Variants in SNAP25 observed in about 807,000 individuals in gnomAD.
SNAP25 encodes synaptosomal-associated protein 25.
In SNAP25, 3 loss-of-function variants were observed where a neutral mutation model predicts 28.7. That is an observed-to-expected ratio of 0.10 (90% CI 0.05 to 0.27). The LOEUF (loss-of-function observed/expected upper bound fraction) is 0.27, where lower values mean the gene tolerates loss of function less well. Among genes scored for constraint, SNAP25 ranks in the 10% least tolerant of loss-of-function variants. The pLI, the probability that SNAP25 is intolerant of heterozygous loss-of-function variation, is 1.00. For synonymous variants in SNAP25, 61 were observed against 88.1 expected (o/e 0.69, Z 1.72); for missense variants, 117 against 278.7 (o/e 0.42, Z 4.13).
chr20:10,240,393 A>G (rs1397154283), intron 1 of SNAP25, among the ~76,000 whole-genome samples: 1 of 152,196 alleles, frequency 6.6e-6, no homozygotes, highest in African/African-American at 2.4e-5. Context: ...CCTTAATTAT[A>G]CACGCAGGAT....
chr20:10,283,024 A>G (rs1269245542), intron 3 of SNAP25, among the ~76,000 whole-genome samples: 1 of 152,192 alleles, frequency 6.6e-6, no homozygotes, highest in Non-Finnish European at 1.5e-5. Flanking sequence ...CCCTAGCCCT[A>G]CTGAATCAGA....
rs959457786 is a variant in SNAP25, at chr20:10,293,909, C to T, written c.281+631C>T. Among the ~76,000 whole-genome samples the T allele has an allele frequency of 1.1e-4, 16 of 152,182 alleles. No homozygotes were observed. Among genetic ancestry groups the T allele is most frequent in the African/African-American group, 3.6e-4 (15 of 41,448 alleles). On this transcript the variant is annotated intron_variant, in intron 5 of 7. Coordinates refer to ENST00000254976, the MANE Select transcript of SNAP25 (RefSeq NM_130811.4). This position sits in a 1 kb window ranked among gnomAD's most constrained non-coding sequence, Gnocchi z 5.6. Reference sequence around the variant, plus strand: ...AATTTTTCTCCTTGGAAGATCTACCCGTACACTGGCTGAAATGTTGAAATG... The same window carrying T: ...AATTTTTCTCCTTGGAAGATCTACCTGTACACTGGCTGAAATGTTGAAATG...
intron 1 of SNAP25, among the ~76,000 whole-genome samples, chr20:10,267,652 G>A (rs192165537): frequency 2.6e-5 from 4 of 152,052 alleles, no homozygotes; most frequent in African/African-American, 9.7e-5. Flanking sequence ...TCCCAGGTAC[G>A]AGGTTTCTCC....
chr20:10,294,940 G>A (rs1053059088), intron 5 of SNAP25, among the ~76,000 whole-genome samples: 1 of 152,130 alleles, frequency 6.6e-6, no homozygotes, highest in Non-Finnish European at 1.5e-5. Flanking sequence ...TTCATCAACT[G>A]TGTGTGAAGA....
chr20:10,250,843 T>C (rs2063213774), intron 1 of SNAP25, among the ~76,000 whole-genome samples: 1 of 152,220 alleles, frequency 6.6e-6, no homozygotes, highest in African/African-American at 2.4e-5. Context: ...CGCAAATACT[T>C]ACTATTGTGT....
intron 2 of SNAP25, among the ~76,000 whole-genome samples, chr20:10,277,098 C>T (rs1350669530): frequency 6.6e-6 from 1 of 152,218 alleles, no homozygotes; most frequent in Non-Finnish European, 1.5e-5. Flanking sequence ...TTGCAGAGCT[C>T]AGCCTTTCCG....
At chr20:10,271,805 C>G (rs1163030890) in intron 1 of SNAP25, among the ~76,000 whole-genome samples, 1 of 152,154 alleles carries the variant, frequency 6.6e-6, no homozygotes, top group Non-Finnish European at 1.5e-5. Flanking sequence ...AGGAGTGGGA[C>G]AGAGCAATAG....
chr20:10,233,658 A>C (rs2206162), intron 1 of SNAP25, among the ~76,000 whole-genome samples: 2 of 152,166 alleles, frequency 1.3e-5, no homozygotes, highest in African/African-American at 4.8e-5. Context: ...CTTCTCTCTC[A>C]AGGTGGAAGA....
intron 3 of SNAP25, among the ~76,000 whole-genome samples, chr20:10,281,433 G>A (rs1318520287): frequency 1.3e-5 from 2 of 152,140 alleles, no homozygotes; most frequent in Non-Finnish European, 2.9e-5. Context: ...AACATGTACC[G>A]AGGTGAAATG....
At chr20:10,296,530 T>C (rs573240775) in intron 5 of SNAP25, 3 of 214,308 alleles carry the variant, frequency 1.4e-5, no homozygotes, top group African/African-American at 7.1e-5. Context: ...ACACTCTACT[T>C]GGCAGTCTTG....
intron 4 of SNAP25, among the ~76,000 whole-genome samples, chr20:10,289,227 C>T (rs942002955): frequency 2.0e-5 from 3 of 152,130 alleles, no homozygotes; most frequent in East Asian, 1.9e-4. Flanking sequence ...GACCTGGAAA[C>T]GTACTGAGCC....
chr20:10,234,630 A>G (rs1322765807), intron 1 of SNAP25, among the ~76,000 whole-genome samples: 1 of 152,226 alleles, frequency 6.6e-6, no homozygotes, highest in Non-Finnish European at 1.5e-5. Flanking sequence ...ATGATCTGCC[A>G]GAATCAGAAA....
chr20:10,291,218 C>T (rs529545579), intron 4 of SNAP25, among the ~76,000 whole-genome samples: 19 of 152,212 alleles, frequency 1.2e-4, no homozygotes, highest in South Asian at 4.1e-4. Flanking sequence ...GGATTACAGG[C>T]GCATGCCACC....
At chr20:10,290,009 C>T (rs1328294222) in intron 4 of SNAP25, among the ~76,000 whole-genome samples, 1 of 151,806 alleles carries the variant, frequency 6.6e-6, no homozygotes, top group Non-Finnish European at 1.5e-5. Context: ...ATGTTATTCT[C>T]CTCCCAGCCC....
chr20:10,237,131 C>T (rs1348309366), intron 1 of SNAP25, among the ~76,000 whole-genome samples: 2 of 151,944 alleles, frequency 1.3e-5, no homozygotes, highest in Non-Finnish European at 2.9e-5. Context: ...AGTGGAGAAT[C>T]TAGACAGGGA....
At chr20:10,221,980 T>G (rs931011463) in intron 1 of SNAP25, among the ~76,000 whole-genome samples, 1 of 152,236 alleles carries the variant, frequency 6.6e-6, no homozygotes, top group Non-Finnish European at 1.5e-5. Context: ...TTTCTCACAT[T>G]ATGGGACTGC....
intron 1 of SNAP25, among the ~76,000 whole-genome samples, chr20:10,270,752 A>C (rs543295844): frequency 6.6e-6 from 1 of 152,042 alleles, no homozygotes; most frequent in Non-Finnish European, 1.5e-5. Flanking sequence ...TTTCAGACCA[A>C]CTGAATTAGA....
intron 1 of SNAP25, among the ~76,000 whole-genome samples, chr20:10,227,427 A>T (rs780256968): frequency 2.6e-5 from 4 of 152,160 alleles, no homozygotes; most frequent in African/African-American, 4.8e-5. Context: ...CAGAGAAAAG[A>T]ATTCTACCAC....
chr20:10,297,693 CAG>C (rs775389655), intron 6 of SNAP25, among the ~76,000 whole-genome samples: 106 of 152,192 alleles, frequency 7.0e-4, no homozygotes, highest in Non-Finnish European at 1.1e-3. Flanking sequence ...CCAAAGCTAA[CAG>C]GGAGTGAAAG....
Sources: allele counts gnomAD v4.1 joint callset (sites outside exome capture counted in the v4.1 genomes callset), GRCh38; gene constraint gnomAD v4.1.1; non-coding constraint Gnocchi (gnomAD v3.1); transcripts MANE v1.5; gene names NCBI Gene and HGNC (gene_info 2026-07-23, HGNC 2026-07-21).